The following TFDP2 variants were observed in gnomAD, a reference collection of about 807,000 sequenced individuals.
TFDP2 encodes transcription factor Dp-2.
In TFDP2, 17 loss-of-function variants were observed where a neutral mutation model predicts 59.3. The ratio of observed to expected loss-of-function variants is 0.29; its 90% CI spans 0.20 to 0.43. The LOEUF (loss-of-function observed/expected upper bound fraction) is 0.43, where lower values mean the gene tolerates loss of function less well. TFDP2 is among the 20% of genes least tolerant of loss of function. The pLI, the probability that TFDP2 is intolerant of heterozygous loss-of-function variation, is 1.00. For missense variants in TFDP2, 391 were observed against 528.8 expected, an observed-to-expected ratio of 0.74 and a Z score of 2.56; for synonymous variants, 180 against 194.7, an observed-to-expected ratio of 0.92 and a Z score of 0.63.
chr3:142,047,838 T>C (rs1331012645), intron 3 of TFDP2, among the ~76,000 whole-genome samples: 1 of 149,572 alleles, frequency 6.7e-6, no homozygotes, highest in Non-Finnish European at 1.5e-5. Context: ...GCCTCCCGGG[T>C]TCAAGTGATT....
chr3:141,957,299 AGAGT>A (rs1343543285), intron 11 of TFDP2, among the ~76,000 whole-genome samples: 1 of 152,230 alleles, frequency 6.6e-6, no homozygotes. Context: ...CTTGGGCGAC[AGAGT>A]GAGACTCCGT....
chr3:142,139,902 A>C (rs973481716), intron 1 of TFDP2, among the ~76,000 whole-genome samples: 7 of 152,048 alleles, frequency 4.6e-5, no homozygotes, highest in Non-Finnish European at 8.8e-5. Flanking sequence ...CCTGAATTTC[A>C]ATGTTGGCCT....
At chr3:142,073,869 C>G (rs1363930788) in intron 3 of TFDP2, among the ~76,000 whole-genome samples, 1 of 151,914 alleles carries the variant, frequency 6.6e-6, no homozygotes, top group Admixed American at 6.6e-5. Flanking sequence ...TCAATAAAAC[C>G]AAAGCAATCT....
intron 1 of TFDP2, among the ~76,000 whole-genome samples, chr3:142,124,237 A>T (rs954301250): frequency 1.3e-5 from 2 of 152,210 alleles, no homozygotes; most frequent in African/African-American, 4.8e-5. Flanking sequence ...AATTTGCTCA[A>T]CTGATTCAAA....
chr3:142,004,789 GTTATT>G (rs1277587707), intron 4 of TFDP2, among the ~76,000 whole-genome samples: 5 of 152,096 alleles, frequency 3.3e-5, no homozygotes, highest in Non-Finnish European at 7.4e-5. Flanking sequence ...AGTAGTAAAG[GTTATT>G]TTATAAGAAA....
chr3:142,111,427 C>CA (rs80110477), intron 1 of TFDP2, among the ~76,000 whole-genome samples: 5,590 of 59,548 alleles, frequency 0.094, 634 homozygotes, highest in African/African-American at 0.29. Flanking sequence ...GACTCTGTCT[C>CA]AAAAAAAAAA....
At chr3:142,056,152 C>A (rs2059736674) in intron 3 of TFDP2, among the ~76,000 whole-genome samples, 3 of 151,372 alleles carry the variant, frequency 2.0e-5, no homozygotes, top group Non-Finnish European at 4.4e-5. Flanking sequence ...TGGGGTTTCA[C>A]CATGTTGGTC....
chr3:141,977,350 T>C (rs1179526368), intron 7 of TFDP2, among the ~76,000 whole-genome samples: 1 of 147,952 alleles, frequency 6.8e-6, no homozygotes, highest in East Asian at 2.0e-4. Context: ...GGCTGGAGGA[T>C]CACTTGAGTC....
At chr3:141,993,928 C>A (rs1261121393) in intron 5 of TFDP2, among the ~76,000 whole-genome samples, 1 of 152,226 alleles carries the variant, frequency 6.6e-6, no homozygotes, top group Non-Finnish European at 1.5e-5. Context: ...ACAAATGGGG[C>A]TGAAAACATC....
chr3:141,985,531 A>AC (rs1553766348), intron 6 of TFDP2, among the ~76,000 whole-genome samples: 19 of 151,386 alleles, frequency 1.3e-4, no homozygotes, highest in Middle Eastern at 3.4e-3. Flanking sequence ...AAAAAAAAAA[A>AC]AAAAAAAAAA....
At chr3:142,058,634 GCTA>G (rs1355736213) in intron 3 of TFDP2, among the ~76,000 whole-genome samples, 7 of 152,196 alleles carry the variant, frequency 4.6e-5, no homozygotes, top group African/African-American at 1.7e-4. Flanking sequence ...TGTTTAAAAG[GCTA>G]CTACAACTCA....
At position 142,059,787 on chromosome 3, in the gene TFDP2, G is replaced by A. The variant is rs1226598267; in HGVS notation, c.82+33274C>T. 2.6e-5 allele frequency among the ~76,000 whole-genome samples: 4 copies of A among 152,072 alleles called. No homozygotes were observed. The East Asian group carries it at 7.8e-4, about 30-fold the overall frequency. ...AGTAGAGACGGGGTTTTGCCATGTT[G>A]GCCAGGCTGGTCTCAAACTCCTGAT... is the stretch of plus-strand genomic sequence containing the variant. On this transcript the variant is annotated intron_variant, in intron 3 of 12. Transcript: ENST00000489671.
At chr3:142,015,727 T>C (rs1489189085) in intron 3 of TFDP2, among the ~76,000 whole-genome samples, 5 of 152,206 alleles carry the variant, frequency 3.3e-5, no homozygotes, top group African/African-American at 1.2e-4. Flanking sequence ...TAGACACAGG[T>C]GGCTACTGAG....
At chr3:142,015,744 A>C (rs1262406929) in intron 3 of TFDP2, among the ~76,000 whole-genome samples, 2 of 152,186 alleles carry the variant, frequency 1.3e-5, no homozygotes, top group African/African-American at 4.8e-5. Context: ...TGAGCACTTG[A>C]AATGTGGTTA....
intron 3 of TFDP2, among the ~76,000 whole-genome samples, chr3:142,015,654 C>T (rs990384098): frequency 1.3e-5 from 2 of 152,212 alleles, no homozygotes; most frequent in African/African-American, 4.8e-5. Context: ...CCTGACGCAG[C>T]TCCATGCTGC....
At chr3:142,134,622 G>C (rs2062652831) in intron 1 of TFDP2, among the ~76,000 whole-genome samples, 1 of 152,026 alleles carries the variant, frequency 6.6e-6, no homozygotes, top group African/African-American at 2.4e-5. Context: ...ACATAAATTA[G>C]TAAGTCAAAT....
chr3:141,968,981 GAT>G lies in TFDP2; in HGVS notation c.732+1090_732+1091del, dbSNP rs1417859958. ...AACACATATATATCTCATATATATAGATATATATAACATATATCTCATATATA... is the reference window on the plus strand; with the variant it reads ...AACACATATATATCTCATATATATAGATATATAACATATATCTCATATATA... On this transcript the variant is annotated intron_variant, in intron 9 of 12. Transcript: ENST00000489671. Among the ~76,000 whole-genome samples, 3 of 74,722 alleles carry G rather than the reference GAT, an allele frequency of 4.0e-5. 1 individual carries two copies. The highest frequency in any genetic ancestry group is 7.2e-5 in the Non-Finnish European group (3 of 41,630). 49.0% of individuals were successfully genotyped at this position (74,722 alleles called of 152,430 possible).
chr3:142,005,299 A>G, intron 4 of TFDP2, 142 bp downstream of exon 4: 5 of 592,868 alleles, frequency 8.4e-6, no homozygotes, highest in Non-Finnish European at 1.4e-5. Context: ...TCGGCCTCCC[A>G]AAGTGTTGGG....
intron 8 of TFDP2, among the ~76,000 whole-genome samples, chr3:141,973,093 GTATATATATATATATATA>G (rs1553761666): frequency 4.8e-5 from 5 of 103,194 alleles, no homozygotes; most frequent in African/African-American, 7.2e-5. Flanking sequence ...AAAGCTATGT[GTATATATATATATATATA>G]TATATATATA....
Sources: allele counts gnomAD v4.1 joint callset (sites outside exome capture counted in the v4.1 genomes callset), GRCh38; gene constraint gnomAD v4.1.1; transcripts MANE v1.5; gene names NCBI Gene and HGNC (gene_info 2026-07-23, HGNC 2026-07-21).